NPAS3: variants seen among roughly 807,000 people sequenced by gnomAD.
NPAS3 encodes neuronal PAS domain-containing protein 3.
In NPAS3, 14 loss-of-function variants were observed where a neutral mutation model predicts 73.1. The observed-to-expected ratio is 0.19, with a 90% CI of 0.13 to 0.30. The LOEUF (loss-of-function observed/expected upper bound fraction) is 0.30, where lower values mean the gene tolerates loss of function less well. Ranked by LOEUF, NPAS3 falls within the 10% of genes least tolerant of loss-of-function variation. The pLI is 1.00. For missense variants in NPAS3, 1,096 were observed against 1,250.0 expected (o/e 0.88, Z 1.86); for synonymous variants, 620 against 541.5 (o/e 1.14, Z -2.01).
chr14:33,406,804 C>T (rs756163478), intron 4 of NPAS3, among the ~76,000 whole-genome samples: 1 of 152,170 alleles, frequency 6.6e-6, no homozygotes, highest in East Asian at 1.9e-4. Flanking sequence ...ATTTTTCTAA[C>T]CCAGAACCAA....
At chr14:33,581,536 G>T (rs567910293) in intron 5 of NPAS3, among the ~76,000 whole-genome samples, 11 of 152,184 alleles carry the variant, frequency 7.2e-5, no homozygotes, top group African/African-American at 2.6e-4. Context: ...ATTTGTGACC[G>T]CTTTGTAGCC....
chr14:33,148,849 T>G (rs891609899), intron 2 of NPAS3, among the ~76,000 whole-genome samples: 2 of 152,032 alleles, frequency 1.3e-5, no homozygotes, highest in Non-Finnish European at 2.9e-5. Context: ...CACCACACCC[T>G]GCTAATTTTA....
intron 3 of NPAS3, among the ~76,000 whole-genome samples, chr14:33,268,391 T>C (rs371595827): frequency 1.3e-5 from 2 of 152,350 alleles, no homozygotes; most frequent in African/African-American, 4.8e-5. Context: ...TAGTAAGACA[T>C]AATTATGTAA....
intron 2 of NPAS3, among the ~76,000 whole-genome samples, chr14:33,073,878 G>A (rs556412444): frequency 7.9e-5 from 12 of 152,296 alleles, no homozygotes; most frequent in African/African-American, 2.6e-4. Flanking sequence ...ATAAAGTGAG[G>A]AGACTATATA....
chr14:33,522,886 A>G (rs2053619860), intron 4 of NPAS3, among the ~76,000 whole-genome samples: 1 of 152,188 alleles, frequency 6.6e-6, no homozygotes, highest in Non-Finnish European at 1.5e-5. Flanking sequence ...TACTTGCCTC[A>G]TATTCCTTAT....
chr14:33,198,366 A>G (rs2046464627), intron 2 of NPAS3, among the ~76,000 whole-genome samples: 1 of 151,774 alleles, frequency 6.6e-6, no homozygotes, highest in Non-Finnish European at 1.5e-5. Context: ...CATTTTACAG[A>G]GAGCTGATTG....
chr14:33,383,109 A>G (rs2046628342), intron 4 of NPAS3, among the ~76,000 whole-genome samples: 1 of 151,906 alleles, frequency 6.6e-6, no homozygotes, highest in Non-Finnish European at 1.5e-5. Context: ...AAAAAAAAAA[A>G]AAAATCACCT....
At chr14:33,493,656 G>T (rs2052019193) in intron 4 of NPAS3, among the ~76,000 whole-genome samples, 1 of 151,916 alleles carries the variant, frequency 6.6e-6, no homozygotes, top group African/African-American at 2.4e-5. Context: ...TAGAGGGAGG[G>T]GCTAGCCCCT....
At chr14:33,460,973 T>C (rs984528212) in intron 4 of NPAS3, among the ~76,000 whole-genome samples, 6 of 152,176 alleles carry the variant, frequency 3.9e-5, no homozygotes, top group African/African-American at 1.4e-4. Context: ...CATCATTCCC[T>C]GTTTCTTGAC....
chr14:33,515,098 C>T (rs536771596), intron 4 of NPAS3, among the ~76,000 whole-genome samples: 1 of 152,042 alleles, frequency 6.6e-6, no homozygotes, highest in Non-Finnish European at 1.5e-5. Context: ...CTGGCTCTGT[C>T]GAGCCAATTA....
At position 33,379,668 on chromosome 14, in the gene NPAS3, C is replaced by T. The variant is rs576201190; in HGVS notation, c.468+12400C>T. On this transcript the variant is annotated intron_variant, in intron 4 of 11. Transcript: ENST00000356141. ...TAGAACTTTGCAAGCCTTTTAGACT[C>T]ATTTTAGGCTTGAGGAAAGATTGTG... is the stretch of plus-strand genomic sequence containing the variant. Among the ~76,000 whole-genome samples, 3 of 152,228 alleles carry T rather than the reference C, an allele frequency of 2.0e-5. No homozygotes were observed. The South Asian group carries it at 6.2e-4, about 32-fold the overall frequency.
At chr14:33,482,116 TC>T (rs1566940669) in intron 4 of NPAS3, among the ~76,000 whole-genome samples, 1 of 151,448 alleles carries the variant, frequency 6.6e-6, no homozygotes, top group Non-Finnish European at 1.5e-5. Context: ...TGTAAATTAT[TC>T]CCAGAAAACG....
chr14:33,608,937 A>G (rs1057366354), intron 5 of NPAS3, among the ~76,000 whole-genome samples: 8 of 152,210 alleles, frequency 5.3e-5, no homozygotes, highest in African/African-American at 1.9e-4. Context: ...ATATGAAACT[A>G]AAGAAAAAGT....
chr14:33,127,374 T>C (rs1258204513), intron 2 of NPAS3, among the ~76,000 whole-genome samples: 1 of 152,164 alleles, frequency 6.6e-6, no homozygotes, highest in Non-Finnish European at 1.5e-5. Flanking sequence ...TCTGCATATA[T>C]TGAGAATATG....
intron 4 of NPAS3, among the ~76,000 whole-genome samples, chr14:33,409,594 G>C (rs867473409): frequency 3.3e-5 from 5 of 152,270 alleles, no homozygotes; most frequent in Middle Eastern, 6.8e-3. Flanking sequence ...CTTTTAAAAT[G>C]TGGAAAAGTG....
intron 2 of NPAS3, among the ~76,000 whole-genome samples, chr14:33,116,721 G>A (rs991217647): frequency 6.6e-6 from 1 of 152,006 alleles, no homozygotes; most frequent in Admixed American, 6.6e-5. Flanking sequence ...AGTGGTGCCT[G>A]TTATCCCCTC....
chr14:33,735,962 C>CA (rs1447988057), intron 7 of NPAS3, among the ~76,000 whole-genome samples: 2 of 152,194 alleles, frequency 1.3e-5, no homozygotes, highest in Non-Finnish European at 2.9e-5. Flanking sequence ...TAAAAGCCTT[C>CA]AAATCTCAGG....
chr14:33,517,550 T>C (rs766955212), intron 4 of NPAS3, among the ~76,000 whole-genome samples: 11 of 152,008 alleles, frequency 7.2e-5, no homozygotes, highest in Non-Finnish European at 1.6e-4. Context: ...GTCCTTTGCT[T>C]AGGCTGTTTC....
intron 6 of NPAS3, among the ~76,000 whole-genome samples, chr14:33,686,542 C>T (rs2060094151): frequency 6.6e-6 from 1 of 152,322 alleles, no homozygotes; most frequent in South Asian, 2.1e-4. Flanking sequence ...ACGTGTCAGG[C>T]ACTTTGCTAA....
Sources: gnomAD v4.1 joint callset for allele counts (sites outside exome capture counted in the v4.1 genomes callset) on GRCh38, gnomAD v4.1.1 for gene constraint, MANE v1.5 for transcripts, NCBI Gene and HGNC (gene_info 2026-07-23, HGNC 2026-07-21) for gene names.